The following CORO2A variants were observed in gnomAD, a reference collection of about 807,000 sequenced individuals.
The protein encoded by CORO2A is coronin 2A.
In CORO2A, 47 loss-of-function variants were observed where a neutral mutation model predicts 62.4. The observed-to-expected ratio is 0.75, with a 90% confidence interval of 0.60 to 0.96. CORO2A has a LOEUF of 0.96. Among genes scored for constraint, CORO2A ranks in the 40% least tolerant of loss-of-function variants. The probability of loss-of-function intolerance (pLI) is 0.00; values close to 1 mark genes in which losing one functional copy is unlikely to be tolerated. For synonymous variants in CORO2A, 273 were observed against 268.9 expected (o/e 1.02, Z -0.15); for missense variants, 610 against 684.1 (o/e 0.89, Z 1.21).
At chr9:98,167,077 C>G (rs1302768675) in intron 1 of CORO2A, among the ~76,000 whole-genome samples, 2 of 141,422 alleles carry the variant, frequency 1.4e-5, no homozygotes, top group African/African-American at 5.3e-5. Context: ...GTACTCCAGT[C>G]TGGGTGATAA....
At chr9:98,161,921 G>C (rs1827892069) in intron 1 of CORO2A, among the ~76,000 whole-genome samples, 1 of 152,158 alleles carries the variant, frequency 6.6e-6, no homozygotes, top group Non-Finnish European at 1.5e-5. Context: ...CCCAACTCCT[G>C]AGAGCCACTC....
At position 98,137,645 on chromosome 9, in the gene CORO2A, C is replaced by A; in HGVS notation, c.245G>T (p.Arg82Ile). 6.2e-7 allele frequency: 1 copy of A among 1,614,260 alleles called. No homozygotes were observed. Among genetic ancestry groups the A allele is most frequent in the Non-Finnish European group, 8.5e-7 (1 of 1,180,050 alleles). Residue 82 changes from arginine (R) to isoleucine (I), a missense_variant, in exon 3 of 12, where the codon AGA (arginine) becomes ATA (isoleucine). Arg to Ile is a moderately conservative substitution (Grantham distance 97). Coordinates refer to ENST00000375077, the MANE Select transcript of CORO2A (RefSeq NM_052820.4). ...CCACTTGACATCCAAAACGTTGCCT[C>A]TGTGCCCGCAGACTTTTGGGTAGTG... ...DPHYPKVCGH[R>I]GNVLDVKWNP...
chr9:98,180,033 C>CA (rs899704858), intron 1 of CORO2A, among the ~76,000 whole-genome samples: 3 of 149,256 alleles, frequency 2.0e-5, no homozygotes, highest in East Asian at 2.0e-4. Flanking sequence ...AAACAGCAAG[C>CA]AAAAAAAACT....
At chr9:98,190,267 C>T (rs891770376) in intron 1 of CORO2A, among the ~76,000 whole-genome samples, 6 of 152,160 alleles carry the variant, frequency 3.9e-5, no homozygotes, top group African/African-American at 7.2e-5. Context: ...CCAAAGTAGC[C>T]GGCTAAGGGC....
chr9:98,178,394 G>A (rs1418477902), intron 1 of CORO2A, among the ~76,000 whole-genome samples: 1 of 152,176 alleles, frequency 6.6e-6, no homozygotes, highest in Non-Finnish European at 1.5e-5. Flanking sequence ...AGTAAGCACT[G>A]CTAACAAGTC....
chr9:98,125,966 C>T (rs1827311608), intron 11 of CORO2A, among the ~76,000 whole-genome samples: 1 of 151,638 alleles, frequency 6.6e-6, no homozygotes, highest in Non-Finnish European at 1.5e-5. Flanking sequence ...GATCCACCCG[C>T]CTTGGCCTAC....
intron 1 of CORO2A, among the ~76,000 whole-genome samples, chr9:98,186,717 T>C (rs980095576): frequency 3.9e-5 from 6 of 152,304 alleles, no homozygotes; most frequent in African/African-American, 1.4e-4. Flanking sequence ...ATGTACCCTA[T>C]AGGTTGTTAT....
intron 1 of CORO2A, among the ~76,000 whole-genome samples, chr9:98,170,217 C>A (rs1828015036): frequency 6.6e-6 from 1 of 152,172 alleles, no homozygotes; most frequent in African/African-American, 2.4e-5. Flanking sequence ...CCTCCCCCAC[C>A]AACACACCCA....
rs563983171 is a variant in CORO2A, at chr9:98,161,783, C to T, written c.1-4123G>A. On this transcript the variant is annotated intron_variant, in intron 1 of 11. Coordinates refer to ENST00000375077, the MANE Select transcript of CORO2A (RefSeq NM_052820.4). ...AAATGTGGTGCCTGAGTGCATGTGG[C>T]GGGCCTGGGGTAGTCGCTGAAATCG... is the stretch of plus-strand genomic sequence containing the variant. Among the ~76,000 whole-genome samples the T allele has an allele frequency of 2.6e-4, 40 of 152,134 alleles. No homozygotes were observed. The East Asian group carries it at 5.8e-3, about 22-fold the overall frequency.
intron 4 of CORO2A, 80 bp downstream of exon 4, chr9:98,134,726 G>A: frequency 4.1e-6 from 6 of 1,451,238 alleles, no homozygotes; most frequent in Non-Finnish European, 4.6e-6. Context: ...CTCCAGAACT[G>A]TGACAGAATA....
intron 1 of CORO2A, among the ~76,000 whole-genome samples, chr9:98,176,696 G>A (rs1828112926): frequency 6.6e-6 from 1 of 152,068 alleles, no homozygotes; most frequent in African/African-American, 2.4e-5. Flanking sequence ...GGTTATACTC[G>A]AACTCTGCAG....
intron 2 of CORO2A, among the ~76,000 whole-genome samples, chr9:98,149,156 T>C (rs1827690196): frequency 6.6e-6 from 1 of 152,256 alleles, no homozygotes; most frequent in Non-Finnish European, 1.5e-5. Context: ...TGCACTGTAC[T>C]ATTTCTTATA....
intron 1 of CORO2A, among the ~76,000 whole-genome samples, chr9:98,174,196 C>T (rs191391187): frequency 3.0e-5 from 4 of 133,682 alleles, no homozygotes; most frequent in East Asian, 2.3e-4. Context: ...TCTCAATAAA[C>T]GGTAGCAACC....
In CORO2A at chr9:98,133,056, T is replaced by C; in HGVS notation, c.630A>G (p.Arg210=). Residue 210 remains arginine (R), a synonymous_variant, in exon 5 of 12, where the codon CGA becomes CGG. Transcript: ENST00000375077. ...KDRKIRVIDP[R]AGTVLQEASY... ...AACTGACCTGGAGGACGGTCCCTGCTCGGGGGTCAATAACCCGAATCTTGC... is the reference window on the plus strand; with the variant it reads ...AACTGACCTGGAGGACGGTCCCTGCCCGGGGGTCAATAACCCGAATCTTGC... The C allele has an allele frequency of 1.2e-6, 2 of 1,614,204 alleles. No individual in the cohort carries two copies. Among genetic ancestry groups the C allele is most frequent in the Non-Finnish European group, 1.7e-6 (2 of 1,180,036 alleles).
At position 98,157,456 on chromosome 9, in the gene CORO2A, T is replaced by C. The variant is rs200587871; in HGVS notation, c.201+4A>G. On this transcript the variant is annotated splice_donor_region_variant and intron_variant, in intron 2 of 11. Coordinates refer to ENST00000375077, the MANE Select transcript of CORO2A (RefSeq NM_052820.4). ...GAGCTGTTTGGGCCTGGGGGTGTCC[T>C]TACCTGGTGCAGGGGGATGACGAGG... The C allele has an allele frequency of 1.5e-3, 2,343 of 1,614,080 alleles. 2 individuals are homozygous for C. The highest frequency in any genetic ancestry group is 2.5e-3 in the Middle Eastern group (15 of 6,060).
At position 98,133,165 on chromosome 9, in the gene CORO2A, C is replaced by T. The variant is rs1264905580; in HGVS notation, c.521G>A (p.Ser174Asn). 4.3e-6 allele frequency: 7 copies of T among 1,614,116 alleles called. No individual in the cohort carries two copies. The highest frequency in any genetic ancestry group is 5.9e-6 in the Non-Finnish European group (7 of 1,180,048). The change falls in exon 5 of 12, where the codon AGT becomes AAT. Residue 174 changes from serine to asparagine, a missense_variant. Coordinates refer to ENST00000375077, the MANE Select transcript of CORO2A (RefSeq NM_052820.4). ...TKESVITSPM[S>N]TISCHQDVIL... ...CACATCTTGGTGACAGCTAATCGTA[C>T]TCATGGGGCTTGTGATGACAGACTC...
At chr9:98,154,352 T>TATATATATATATATATATATACACAC (rs71369555) in intron 2 of CORO2A, among the ~76,000 whole-genome samples, 1 of 94,052 alleles carries the variant, frequency 1.1e-5, no homozygotes, top group African/African-American at 3.7e-5. Context: ...TATATATATA[T>TATATATATATATATATATATACACAC]ACACAAATAC....
At chr9:98,132,503 T>TAA (rs766004019) in intron 5 of CORO2A, among the ~76,000 whole-genome samples, 19 of 152,152 alleles carry the variant, frequency 1.2e-4, no homozygotes, top group Non-Finnish European at 2.2e-4. Flanking sequence ...CTATCTTTGT[T>TAA]AAGAGTTATT....
chr9:98,177,459 T>TG (rs1828123374), intron 1 of CORO2A, among the ~76,000 whole-genome samples: 1 of 63,496 alleles, frequency 1.6e-5, no homozygotes, highest in East Asian at 2.1e-3. Context: ...CAAACTTTGT[T>TG]TTTTTTTTTT....
Sources: allele counts gnomAD v4.1 joint callset (sites outside exome capture counted in the v4.1 genomes callset), GRCh38; gene constraint gnomAD v4.1.1; transcripts MANE v1.5; gene names NCBI Gene and HGNC (gene_info 2026-07-23, HGNC 2026-07-21).